PIN1: variants seen among roughly 807,000 people sequenced by gnomAD.
PIN1 encodes the protein peptidylprolyl cis/trans isomerase, NIMA-interacting 1.
A neutral mutation model predicts 19.9 loss-of-function variants in PIN1; 8 were observed. The observed-to-expected ratio is 0.40, with a 90% CI of 0.24 to 0.72. The LOEUF (loss-of-function observed/expected upper bound fraction) is 0.72. PIN1 is among the 30% of genes least tolerant of loss of function. The pLI is 0.37. For synonymous variants in PIN1, 86 were observed against 90.8 expected (o/e 0.95, Z 0.30); for missense variants, 185 against 226.5 (o/e 0.82, Z 1.18).
chr19:9,835,407 C>A lies in PIN1; in HGVS notation c.58+5C>A. 6.8e-7 allele frequency: 1 copy of A among 1,466,182 alleles called. No homozygotes were observed. Among genetic ancestry groups the A allele is most frequent in the Non-Finnish European group, 9.1e-7 (1 of 1,101,184 alleles). 90.8% of individuals were successfully genotyped at this position (1,466,182 alleles called of 1,614,324 possible). On this transcript the variant is annotated splice_donor_5th_base_variant and intron_variant, in intron 1 of 3. Transcript: ENST00000247970. ...AGCGCATGAGCCGCAGCTCAGGTGCCGCGGGGGTCGGGGCTGGGGCGGGAC... is the reference window on the plus strand; with the variant it reads ...AGCGCATGAGCCGCAGCTCAGGTGCAGCGGGGGTCGGGGCTGGGGCGGGAC...
chr19:9,837,078 C>G lies in PIN1; in HGVS notation c.59-1358C>G. 3 of 355,398 alleles carry G rather than the reference C, an allele frequency of 8.4e-6. No homozygotes were observed. The Admixed American group carries it at 1.0e-4, about 12-fold the overall frequency. 22.0% of individuals were successfully genotyped at this position (355,398 alleles called of 1,614,324 possible). A position where few individuals can be genotyped will look rare whatever the true frequency, so the allele number is the denominator to read the frequency against. ...TCCCAGGCTTAAGCAATCCTCCCACCTCAGCCTTTCAAGTAGCTGAGACCA... is the reference window on the plus strand; with the variant it reads ...TCCCAGGCTTAAGCAATCCTCCCACGTCAGCCTTTCAAGTAGCTGAGACCA... On this transcript the variant is annotated intron_variant, in intron 1 of 3. Coordinates refer to ENST00000247970, the MANE Select transcript of PIN1 (RefSeq NM_006221.4).
chr19:9,847,252 G>A (rs1177434622), intron 2 of PIN1, among the ~76,000 whole-genome samples: 1 of 152,118 alleles, frequency 6.6e-6, no homozygotes, highest in Non-Finnish European at 1.5e-5. Context: ...CTGCCGTCTT[G>A]CCCCCTCTGC....
intron 1 of PIN1, 56 bp downstream of exon 1, chr19:9,835,458 C>G (rs889042823): frequency 3.2e-6 from 4 of 1,239,258 alleles, no homozygotes; most frequent in Admixed American, 7.1e-5. Context: ...AAGCAGGGCT[C>G]GAGCTCGCCC....
chr19:9,836,922 A>T, intron 1 of PIN1: 1 of 1,084,292 alleles, frequency 9.2e-7, no homozygotes, highest in Non-Finnish European at 1.2e-6. Flanking sequence ...AATAAAGGCT[A>T]TCCCACTCTT....
intron 2 of PIN1, among the ~76,000 whole-genome samples, chr19:9,843,362 C>T (rs897496973): frequency 7.2e-5 from 11 of 152,270 alleles, no homozygotes; most frequent in Admixed American, 4.6e-4. Context: ...CCGACCAGGC[C>T]CCTTCCCCTC....
At chr19:9,843,623 G>T (rs767616289) in intron 2 of PIN1, among the ~76,000 whole-genome samples, 1 of 152,222 alleles carries the variant, frequency 6.6e-6, no homozygotes. Flanking sequence ...GGTTCCCTCA[G>T]ATTCTGTTCC....
At chr19:9,848,363 A>C in intron 3 of PIN1, 1 of 562,442 alleles carries the variant, frequency 1.8e-6, no homozygotes, top group East Asian at 3.0e-5. Flanking sequence ...CATCATCTCT[A>C]CCCTGGGGGG....
intron 1 of PIN1, chr19:9,835,631 C>G: frequency 2.1e-6 from 1 of 485,806 alleles, no homozygotes; most frequent in Non-Finnish European, 3.6e-6. Flanking sequence ...GGGTGAGGGT[C>G]CGGGGAGTCC....
intron 2 of PIN1, among the ~76,000 whole-genome samples, chr19:9,845,081 C>G (rs940749486): frequency 4.6e-5 from 7 of 152,034 alleles, no homozygotes. Context: ...CAGAGGATAG[C>G]TGATGAGTTT....
At chr19:9,839,381 A>G (rs1343282377) in intron 2 of PIN1, among the ~76,000 whole-genome samples, 1 of 146,834 alleles carries the variant, frequency 6.8e-6, no homozygotes, top group Non-Finnish European at 1.5e-5. Flanking sequence ...GCACCACTCC[A>G]CTCCAGCCTG....
Position 9,838,644 on chromosome 19 carries a change from C to T in PIN1, c.267C>T (p.Ile89=). ...TRTKEEALEL[I]NGYIQKIKSG... ...CCAAGGAGGAGGCCCTGGAGCTGAT[C>T]AACGGTGAGCAGGGCGAGGGCAGGG... The change falls in exon 2 of 4, where the codon ATC becomes ATT. Residue 89 remains isoleucine (I), a synonymous_variant. Coordinates refer to ENST00000247970, the MANE Select transcript of PIN1 (RefSeq NM_006221.4). The surrounding 1 kb of genome is among the most constrained non-coding windows in gnomAD (Gnocchi z 5.8). 6.5e-7 allele frequency: 1 copy of T among 1,541,216 alleles called. No homozygotes were observed. Among genetic ancestry groups the T allele is most frequent in the Non-Finnish European group, 8.7e-7 (1 of 1,145,474 alleles).
chr19:9,848,341 C>A, intron 3 of PIN1: 1 of 589,734 alleles, frequency 1.7e-6, no homozygotes. Flanking sequence ...GGCTGCAGCA[C>A]TTTCTTCCTG....
At chr19:9,844,397 G>A (rs2046198895) in intron 2 of PIN1, among the ~76,000 whole-genome samples, 1 of 152,204 alleles carries the variant, frequency 6.6e-6, no homozygotes, top group Non-Finnish European at 1.5e-5. Flanking sequence ...AGCAGCAGAG[G>A]TAGGATCTGG....
chr19:9,844,415 G>A (rs890987417), intron 2 of PIN1, among the ~76,000 whole-genome samples: 8 of 152,222 alleles, frequency 5.3e-5, no homozygotes, highest in Admixed American at 1.3e-4. Context: ...TGGACCTGAT[G>A]GAGTCTGGAG....
intron 1 of PIN1, chr19:9,836,920 C>T (rs759426193): frequency 4.2e-5 from 45 of 1,079,534 alleles, no homozygotes; most frequent in South Asian, 2.5e-4. Context: ...ATAATAAAGG[C>T]TATCCCACTC....
At chr19:9,843,694 A>T (rs1021196892) in intron 2 of PIN1, among the ~76,000 whole-genome samples, 19 of 152,134 alleles carry the variant, frequency 1.2e-4, no homozygotes, top group African/African-American at 4.6e-4. Flanking sequence ...CTCACATGGC[A>T]TTCCCCAGGC....
chr19:9,848,048 A>G lies in PIN1; in HGVS notation c.290A>G (p.Lys97Arg). ...TCCACAGGCTACATCCAGAAGATCAAGTCGGGAGAGGAGGACTTTGAGTCT... is the reference window on the plus strand; with the variant it reads ...TCCACAGGCTACATCCAGAAGATCAGGTCGGGAGAGGAGGACTTTGAGTCT... Reference protein sequence around the residue: ...ELINGYIQKIKSGEEDFESLA... With the variant: ...ELINGYIQKIRSGEEDFESLA... Residue 97 changes from lysine to arginine, a missense_variant, in exon 3 of 4, where the codon AAG becomes AGG. Transcript: ENST00000247970. 1 of 1,611,364 alleles carries G rather than the reference A, an allele frequency of 6.2e-7. No individual in the cohort carries two copies. Among genetic ancestry groups the G allele is most frequent in the Non-Finnish European group, 8.5e-7 (1 of 1,177,650 alleles).
At chr19:9,847,910 G>A in intron 2 of PIN1, 120 bp from the exon 3 acceptor site, 1 of 727,334 alleles carries the variant, frequency 1.4e-6, no homozygotes, top group Non-Finnish European at 2.5e-6. Flanking sequence ...GCCTGTGAGG[G>A]GAGGCTTTCC....
chr19:9,842,899 C>T (rs1321825134), intron 2 of PIN1, among the ~76,000 whole-genome samples: 2 of 152,226 alleles, frequency 1.3e-5, no homozygotes, highest in African/African-American at 4.8e-5. Flanking sequence ...TCATCAGTGC[C>T]CATTTAGATC....
Sources: allele counts gnomAD v4.1 joint callset (sites outside exome capture counted in the v4.1 genomes callset), GRCh38; gene constraint gnomAD v4.1.1; non-coding constraint Gnocchi (gnomAD v3.1); transcripts MANE v1.5; gene names NCBI Gene and HGNC (gene_info 2026-07-23, HGNC 2026-07-21).